NIPA1: variants seen among roughly 807,000 people sequenced by gnomAD.
NIPA1 encodes NIPA magnesium transporter 1.
In NIPA1, 13 loss-of-function variants were observed where a neutral mutation model predicts 23.9. That is an observed-to-expected ratio of 0.54 (90% CI 0.35 to 0.87). The LOEUF is 0.87. Among genes scored for constraint, NIPA1 ranks in the 40% least tolerant of loss-of-function variants. The pLI, the probability that NIPA1 is intolerant of heterozygous loss-of-function variation, is 0.01. For missense variants in NIPA1, 362 were observed against 429.7 expected (o/e 0.84, Z 1.39); for synonymous variants, 234 against 202.9 (o/e 1.15, Z -1.30).
chr15:22,823,268 A>G (rs1271453541), intron 4 of NIPA1, among the ~76,000 whole-genome samples: 3 of 136,002 alleles, frequency 2.2e-5, no homozygotes, highest in East Asian at 2.2e-4. Context: ...AGGCTGGAGT[A>G]CAGTGGTTTG....
rs1416007581 is a variant in NIPA1 at position 22,827,742 on chromosome 15, A to G, written c.*3503A>G. 4 of 152,086 alleles carry G rather than the reference A, an allele frequency of 2.6e-5. No individual in the cohort carries two copies. The highest frequency in any genetic ancestry group is 4.4e-5 in the Non-Finnish European group (3 of 68,034). 9.4% of individuals were successfully genotyped at this position (152,086 alleles called of 1,614,324 possible). A position where few individuals can be genotyped will look rare whatever the true frequency, so the allele number is the denominator to read the frequency against. On this transcript the variant is annotated 3_prime_UTR_variant, in exon 5 of 5. Coordinates refer to ENST00000337435, the MANE Select transcript of NIPA1 (RefSeq NM_144599.5). ...GTCGTCTTATTTTCCTTCTTCCTAG[A>G]TGACTCAGCTCTTTGTAAATGTTGT...
chr15:22,800,474 A>G (rs1895052755), intron 1 of NIPA1, among the ~76,000 whole-genome samples: 1 of 152,122 alleles, frequency 6.6e-6, no homozygotes, highest in Admixed American at 6.6e-5. Context: ...TGGGTGGTAC[A>G]GCTCTTTATC....
chr15:22,797,192 A>G, intron 1 of NIPA1, among the ~76,000 whole-genome samples: 1 of 145,258 alleles, frequency 6.9e-6, no homozygotes, highest in Non-Finnish European at 1.5e-5. Context: ...TGTGAACACC[A>G]CCATGCCCGG....
intron 1 of NIPA1, among the ~76,000 whole-genome samples, chr15:22,787,062 G>A (rs1894723651): frequency 6.6e-6 from 1 of 151,888 alleles, no homozygotes; most frequent in Non-Finnish European, 1.5e-5. Flanking sequence ...TGCGTCCTGA[G>A]CGTCCGGCGC....
chr15:22,815,494 T>C (rs1895397693), intron 3 of NIPA1, among the ~76,000 whole-genome samples: 2 of 151,988 alleles, frequency 1.3e-5, no homozygotes, highest in African/African-American at 4.8e-5. Flanking sequence ...ATACAAAAAT[T>C]ATCCAGGTGT....
Position 22,820,091 on chromosome 15 carries a change from G to A in NIPA1, c.318-222G>A, listed in dbSNP as rs926352118. Among the ~76,000 whole-genome samples the A allele has an allele frequency of 1.2e-4, 18 of 152,124 alleles. 1 individual carries two copies. Among genetic ancestry groups the A allele is most frequent in the East Asian group, 3.8e-4 (2 of 5,198 alleles). On this transcript the variant is annotated intron_variant, in intron 3 of 4. Coordinates refer to ENST00000337435, the MANE Select transcript of NIPA1 (RefSeq NM_144599.5). ...ATGCACCTGTAGTCCCAGCTACTCC[G>A]GTGGCTGAGGTAGGAGGATCACTTG...
At chr15:22,811,024 A>G (rs1895305650) in intron 2 of NIPA1, 2 of 570,464 alleles carry the variant, frequency 3.5e-6, no homozygotes, top group Non-Finnish European at 6.3e-6. Flanking sequence ...AGGACAAGTT[A>G]GGAGCTGGTG....
chr15:22,803,011 C>G (rs1294765634), intron 1 of NIPA1, among the ~76,000 whole-genome samples: 2 of 151,764 alleles, frequency 1.3e-5, no homozygotes, highest in African/African-American at 4.8e-5. Context: ...TGCTGGAGTG[C>G]AGTGGTGCGA....
chr15:22,792,048 A>C (rs567050769), intron 1 of NIPA1, among the ~76,000 whole-genome samples: 3 of 152,182 alleles, frequency 2.0e-5, no homozygotes, highest in African/African-American at 7.2e-5. Context: ...ATGCTTTTGG[A>C]TGACATGCTG....
chr15:22,793,297 T>A (rs1215554880), intron 1 of NIPA1, among the ~76,000 whole-genome samples: 2 of 129,660 alleles, frequency 1.5e-5, no homozygotes, highest in Non-Finnish European at 3.1e-5. Context: ...TGCAGTGAGC[T>A]GAGATCGCAC....
chr15:22,817,009 C>A (rs1394014780), intron 3 of NIPA1, among the ~76,000 whole-genome samples: 1 of 149,674 alleles, frequency 6.7e-6, no homozygotes, highest in Non-Finnish European at 1.5e-5. Flanking sequence ...CATGGTGAAA[C>A]CCCATCTCTA....
intron 1 of NIPA1, among the ~76,000 whole-genome samples, chr15:22,787,864 T>G (rs970886609): frequency 6.6e-6 from 1 of 152,128 alleles, no homozygotes; most frequent in Non-Finnish European, 1.5e-5. Flanking sequence ...AGAGAAGAGA[T>G]AAAGGGCCCG....
At chr15:22,799,943 CAAAAAAAAAA>C (rs61174589) in intron 1 of NIPA1, among the ~76,000 whole-genome samples, 94 of 47,016 alleles carry the variant, frequency 2.0e-3, no homozygotes, top group African/African-American at 6.5e-3. Context: ...GACCCTGTCT[CAAAAAAAAAA>C]AAAAAAAAAA....
intron 1 of NIPA1, among the ~76,000 whole-genome samples, chr15:22,792,517 C>T (rs1331147785): frequency 2.6e-5 from 4 of 152,070 alleles, no homozygotes. Flanking sequence ...CGCCACCACA[C>T]CCGGCTAATT....
chr15:22,825,670 C>T lies in NIPA1; in HGVS notation c.*1431C>T, dbSNP rs1361756949. On this transcript the variant is annotated 3_prime_UTR_variant, in exon 5 of 5. Coordinates refer to ENST00000337435, the MANE Select transcript of NIPA1 (RefSeq NM_144599.5). Reference sequence around the variant, plus strand: ...TCATACAGGAACAAGTTAAAGGACACAATTGAGGTTAGGCTAGCTTCTACA... The same window carrying T: ...TCATACAGGAACAAGTTAAAGGACATAATTGAGGTTAGGCTAGCTTCTACA... 2 of 152,212 alleles carry T rather than the reference C, an allele frequency of 1.3e-5. No homozygotes were observed. Among genetic ancestry groups the T allele is most frequent in the African/African-American group, 4.8e-5 (2 of 41,416 alleles). 9.4% of individuals were successfully genotyped at this position (152,212 alleles called of 1,614,324 possible).
At chr15:22,786,639 A>AGGGCGG (rs1894705643), upstream of NIPA1, 1 of 973,532 alleles carries the variant, frequency 1.0e-6, no homozygotes. Context: ...GCAGGCTCGG[A>AGGGCGG]GGGCGGGCGC....
chr15:22,797,008 C>A (rs1894951591), intron 1 of NIPA1, among the ~76,000 whole-genome samples: 1 of 151,722 alleles, frequency 6.6e-6, no homozygotes, highest in South Asian at 2.1e-4. Flanking sequence ...ACTCATCTCT[C>A]CACCTGGAGG....
chr15:22,816,465 G>A (rs1239725988), intron 3 of NIPA1, among the ~76,000 whole-genome samples: 5 of 139,808 alleles, frequency 3.6e-5, no homozygotes, highest in Non-Finnish European at 7.6e-5. Flanking sequence ...GGGATTACAG[G>A]TGTGAGCCAC....
intron 1 of NIPA1, among the ~76,000 whole-genome samples, chr15:22,807,919 G>A (rs1328118955): frequency 4.6e-5 from 7 of 151,638 alleles, no homozygotes; most frequent in Admixed American, 3.9e-4. Flanking sequence ...AAATAGCTGG[G>A]ACTACAGGCG....
Sources: allele counts gnomAD v4.1 joint callset (sites outside exome capture counted in the v4.1 genomes callset), GRCh38; gene constraint gnomAD v4.1.1; transcripts MANE v1.5; gene names NCBI Gene and HGNC (gene_info 2026-07-23, HGNC 2026-07-21).